The following LSAMP variants were observed in gnomAD, a reference collection of about 807,000 sequenced individuals.
The protein encoded by LSAMP is limbic system associated membrane protein.
LSAMP carries 7 observed loss-of-function variants against 38.6 expected under a neutral mutation model. The ratio of observed to expected loss-of-function variants is 0.18; its 90% CI spans 0.10 to 0.34. The LOEUF is 0.34. Among genes scored for constraint, LSAMP ranks in the 10% least tolerant of loss-of-function variants. The pLI, the probability that LSAMP is intolerant of heterozygous loss-of-function variation, is 1.00. For missense variants in LSAMP, 313 were observed against 420.0 expected (o/e 0.75, Z 2.23); for synonymous variants, 154 against 166.8 (o/e 0.92, Z 0.59).
intron 1 of LSAMP, among the ~76,000 whole-genome samples, chr3:116,286,973 C>T (rs147710626): frequency 6.6e-6 from 1 of 151,974 alleles, no homozygotes; most frequent in African/African-American, 2.4e-5. Context: ...TCCCTCATCC[C>T]TTTCTATCTA....
At chr3:116,334,616 T>C (rs73861632) in intron 1 of LSAMP, among the ~76,000 whole-genome samples, 3,120 of 152,182 alleles carry the variant, frequency 0.021, 110 homozygotes, top group African/African-American at 0.072. Context: ...ATGTAATATA[T>C]CACATTAACA....
intron 1 of LSAMP, among the ~76,000 whole-genome samples, chr3:116,290,394 TC>T (rs956512304): frequency 6.6e-6 from 1 of 151,720 alleles, no homozygotes. Context: ...GTTGAAGAAT[TC>T]CCCCCCATCT....
At position 115,804,426 on chromosome 3, in the gene LSAMP, T is replaced by C. The variant is rs1473062632; in HGVS notation, c.*5891A>G. The C allele has an allele frequency of 6.6e-6, 1 of 152,226 alleles. No individual in the cohort carries two copies. Among genetic ancestry groups the C allele is most frequent in the East Asian group, 1.9e-4 (1 of 5,198 alleles). The allele number at this position is 152,226 out of a possible 1,614,324, so 9.4% of individuals were successfully genotyped here. On this transcript the variant is annotated 3_prime_UTR_variant, in exon 7 of 7. Transcript: ENST00000490035. ...CTCACAGCTTTATTTGTGGCTGAAC[T>C]TGGGGTTAGAACCCAATTCTCCTGA...
intron 1 of LSAMP, among the ~76,000 whole-genome samples, chr3:116,188,965 C>T (rs1710690554): frequency 6.6e-6 from 1 of 152,192 alleles, no homozygotes; most frequent in African/African-American, 2.4e-5. Flanking sequence ...GCATTTTATT[C>T]ATTAATGCAA....
chr3:116,393,545 T>A (rs1042973784), intron 1 of LSAMP, among the ~76,000 whole-genome samples: 4 of 152,140 alleles, frequency 2.6e-5, no homozygotes, highest in Non-Finnish European at 5.9e-5. Flanking sequence ...AGGCTGGTAG[T>A]GTGAGTCAAG....
At chr3:116,259,787 A>AAAAC (rs1268313452) in intron 1 of LSAMP, among the ~76,000 whole-genome samples, 1 of 152,162 alleles carries the variant, frequency 6.6e-6, no homozygotes, top group Non-Finnish European at 1.5e-5. Flanking sequence ...CTCAACTAAA[A>AAAAC]AAACAAACAA....
chr3:115,836,360 T>C (rs1576127718), intron 6 of LSAMP, among the ~76,000 whole-genome samples: 1 of 152,234 alleles, frequency 6.6e-6, no homozygotes, highest in African/African-American at 2.4e-5. Context: ...TGTTTTACAC[T>C]TCATGCTAGG....
chr3:116,161,946 G>A (rs1211709864), intron 1 of LSAMP, among the ~76,000 whole-genome samples: 1 of 151,858 alleles, frequency 6.6e-6, no homozygotes, highest in Non-Finnish European at 1.5e-5. Context: ...AGGCAAGGGT[G>A]GGGAATAGCG....
At chr3:116,299,285 A>C (rs181618713) in intron 1 of LSAMP, among the ~76,000 whole-genome samples, 1 of 152,348 alleles carries the variant, frequency 6.6e-6, no homozygotes, top group Non-Finnish European at 1.5e-5. Flanking sequence ...ATAATCTGAG[A>C]CAGGTAGAGC....
At chr3:115,933,683 C>T (rs537475612) in intron 3 of LSAMP, among the ~76,000 whole-genome samples, 4 of 152,164 alleles carry the variant, frequency 2.6e-5, no homozygotes, top group African/African-American at 7.2e-5. Flanking sequence ...AAAAGATCAG[C>T]GGCAGAAACG....
rs187727335 is a variant in LSAMP at position 116,214,294 on chromosome 3, G to A, written c.156-127738C>T. Among the ~76,000 whole-genome samples, 17 of 152,106 alleles carry A rather than the reference G, an allele frequency of 1.1e-4. No homozygotes were observed. The East Asian group carries it at 2.7e-3, about 24-fold the overall frequency. On this transcript the variant is annotated intron_variant, in intron 1 of 6. Transcript: ENST00000490035. ...AGCTAATGTGTATATTAAGCTCAGCGCTGTAGGTCAGGTCGTGTTCAAAGA... is the reference window on the plus strand; with the variant it reads ...AGCTAATGTGTATATTAAGCTCAGCACTGTAGGTCAGGTCGTGTTCAAAGA...
intron 3 of LSAMP, among the ~76,000 whole-genome samples, chr3:115,924,630 A>T (rs940792327): frequency 2.0e-5 from 3 of 152,222 alleles, no homozygotes; most frequent in African/African-American, 7.2e-5. Context: ...TTTACATAAG[A>T]TAGGCTGATA....
intron 3 of LSAMP, among the ~76,000 whole-genome samples, chr3:115,986,476 A>T (rs1939511618): frequency 1.3e-5 from 2 of 152,164 alleles, no homozygotes; most frequent in African/African-American, 4.8e-5. Context: ...TTCTGGGAAA[A>T]ACATATGCTT....
At chr3:115,982,032 T>C (rs966982726) in intron 3 of LSAMP, among the ~76,000 whole-genome samples, 4 of 152,192 alleles carry the variant, frequency 2.6e-5, no homozygotes, top group Non-Finnish European at 5.9e-5. Context: ...GGTCAAAATG[T>C]TTTTCTTTAC....
chr3:116,331,484 GA>G (rs2047851073), intron 1 of LSAMP, among the ~76,000 whole-genome samples: 1 of 152,144 alleles, frequency 6.6e-6, no homozygotes, highest in Non-Finnish European at 1.5e-5. Flanking sequence ...AAGATAATTT[GA>G]AAGCAACAAG....
At chr3:115,997,446 G>C (rs988830251) in intron 3 of LSAMP, among the ~76,000 whole-genome samples, 3 of 151,796 alleles carry the variant, frequency 2.0e-5, no homozygotes, top group African/African-American at 7.3e-5. Context: ...GTAGCATAAG[G>C]GGTGTGTGTG....
At chr3:116,102,682 T>C (rs1708373618) in intron 1 of LSAMP, among the ~76,000 whole-genome samples, 1 of 152,244 alleles carries the variant, frequency 6.6e-6, no homozygotes. Context: ...ACTTTCACAC[T>C]ATCAGCTTTC....
At chr3:116,352,392 AC>A (rs1479700402) in intron 1 of LSAMP, among the ~76,000 whole-genome samples, 5 of 152,064 alleles carry the variant, frequency 3.3e-5, no homozygotes, top group Non-Finnish European at 5.9e-5. Context: ...GCCCTAAGGG[AC>A]CTCATATGGT....
At chr3:115,906,506 G>A (rs1937011603) in intron 3 of LSAMP, among the ~76,000 whole-genome samples, 1 of 152,054 alleles carries the variant, frequency 6.6e-6, no homozygotes, top group South Asian at 2.1e-4. Context: ...ACTAGACTTC[G>A]AAGAGAAGGC....
Sources: allele counts gnomAD v4.1 joint callset (sites outside exome capture counted in the v4.1 genomes callset), GRCh38; gene constraint gnomAD v4.1.1; transcripts MANE v1.5; gene names NCBI Gene and HGNC (gene_info 2026-07-23, HGNC 2026-07-21).